Variants in KHDC4 observed in about 807,000 individuals in gnomAD.
The protein encoded by KHDC4 is KH homology domain-containing protein 4.
A neutral mutation model predicts 74.5 loss-of-function variants in KHDC4; 19 were observed. That is an observed-to-expected ratio of 0.26 (90% CI 0.18 to 0.37). KHDC4 has a LOEUF of 0.37. KHDC4 is among the 10% of genes least tolerant of loss of function. The pLI is 1.00. For missense variants in KHDC4, 632 were observed against 754.1 expected, an observed-to-expected ratio of 0.84 and a Z score of 1.90; for synonymous variants, 253 against 266.1, an observed-to-expected ratio of 0.95 and a Z score of 0.48.
At chr1:155,920,204 C>T (rs1168182938) in intron 10 of KHDC4, among the ~76,000 whole-genome samples, 1 of 152,114 alleles carries the variant, frequency 6.6e-6, no homozygotes, top group Non-Finnish European at 1.5e-5. Flanking sequence ...CTTGGGGAGG[C>T]AGAGGCAGTT....
At chr1:155,916,049 G>T in intron 12 of KHDC4, 85 bp from the exon 13 acceptor site, 3 of 801,388 alleles carry the variant, frequency 3.7e-6, no homozygotes, top group Non-Finnish European at 6.2e-6. Context: ...AATTATGTCT[G>T]CAGACAATCC....
intron 6 of KHDC4, chr1:155,926,232 A>G: frequency 2.6e-6 from 1 of 387,866 alleles, no homozygotes; most frequent in Non-Finnish European, 4.9e-6. Context: ...GGAGAGCTGG[A>G]TAACACACAA....
chr1:155,922,505 G>A (rs991319331), intron 8 of KHDC4, among the ~76,000 whole-genome samples: 4 of 152,114 alleles, frequency 2.6e-5, no homozygotes, highest in Admixed American at 6.6e-5. Context: ...GGAATTAGGA[G>A]AATAATCCTG....
intron 8 of KHDC4, among the ~76,000 whole-genome samples, chr1:155,923,063 G>C (rs1673901779): frequency 6.6e-6 from 1 of 151,964 alleles, no homozygotes; most frequent in Non-Finnish European, 1.5e-5. Context: ...AAAGTAGCCG[G>C]GCGTAGTGGC....
intron 2 of KHDC4, chr1:155,932,578 T>C (rs980261467): frequency 4.6e-5 from 7 of 152,180 alleles, no homozygotes; most frequent in Non-Finnish European, 8.8e-5. Flanking sequence ...ATTAAAAATC[T>C]TAATATACAA....
intron 11 of KHDC4, among the ~76,000 whole-genome samples, chr1:155,917,212 ACT>A (rs1491260086): frequency 5.3e-5 from 8 of 152,064 alleles, no homozygotes; most frequent in African/African-American, 1.7e-4. Flanking sequence ...GGGAGATATC[ACT>A]CTCTTTTTTA....
intron 8 of KHDC4, among the ~76,000 whole-genome samples, chr1:155,923,136 C>T (rs1161691390): frequency 2.0e-5 from 3 of 148,600 alleles, no homozygotes; most frequent in Non-Finnish European, 3.0e-5. Flanking sequence ...ACCCGGGAGG[C>T]GGAGCTTGCA....
intron 2 of KHDC4, 123 bp downstream of exon 2, chr1:155,933,510 T>C (rs1674187733): frequency 3.0e-6 from 2 of 668,236 alleles, no homozygotes; most frequent in Non-Finnish European, 5.0e-6. Context: ...GGTCTCAAAC[T>C]CCTGACCTTG....
rs1271703001 is a variant in KHDC4 at position 155,916,608 on chromosome 1, T to A, written c.1553+17A>T. ...CAAATAACATCTGAATACATTTGCA[T>A]AATTATTCCAACTTACCTGTCCCTC... On this transcript the variant is annotated intron_variant, in intron 12 of 13. Coordinates refer to ENST00000368321, the MANE Select transcript of KHDC4 (RefSeq NM_014949.4). 2 of 1,536,364 alleles carry A rather than the reference T, an allele frequency of 1.3e-6. No homozygotes were observed. The highest frequency in any genetic ancestry group is 2.7e-5 in the African/African-American group (2 of 73,486).
chr1:155,929,594 T>C (rs1027978104), intron 3 of KHDC4, 118 bp downstream of exon 3: 12 of 1,220,252 alleles, frequency 9.8e-6, no homozygotes, highest in Non-Finnish European at 1.4e-5. Flanking sequence ...AACCCAATCC[T>C]GACTTTAGAG....
intron 8 of KHDC4, 25 bp downstream of exon 8, chr1:155,923,602 T>A: frequency 6.4e-7 from 1 of 1,573,590 alleles, no homozygotes; most frequent in Non-Finnish European, 8.7e-7. Context: ...CTCTTCTGAA[T>A]GAGTATCAGA....
chr1:155,922,293 G>A (rs532942246), intron 8 of KHDC4, among the ~76,000 whole-genome samples: 1 of 151,950 alleles, frequency 6.6e-6, no homozygotes, highest in Middle Eastern at 3.4e-3. Flanking sequence ...CTACAGGCGC[G>A]TGCCACCGCA....
rs1434264086 is a variant in KHDC4, at chr1:155,917,594, G to A, written c.1345C>T (p.Pro449Ser). The A allele has an allele frequency of 1.9e-6, 3 of 1,596,746 alleles. No homozygotes were observed. Among genetic ancestry groups the A allele is most frequent in the East Asian group, 4.5e-5 (2 of 44,436 alleles). The change falls in exon 11 of 14, where the codon CCC becomes TCC. Residue 449 changes from proline (P) to serine (S), a missense_variant. Physicochemically the swap from Pro to Ser is moderately conservative, Grantham distance 74. Around this residue, in one of 4 missense-constraint regions of KHDC4, gnomAD observed 254 missense variants for 267.4 expected, o/e 0.95. Coordinates refer to ENST00000368321, the MANE Select transcript of KHDC4 (RefSeq NM_014949.4). ...GGCTGACTTGGGAGTGGGGGCTGGG[G>A]CTGGGGCTGGGGCTGGGGGCCAGCA... ...LPAGPQPQPQ[P>S]QPPLPSQPQA...
rs780507811 is a variant in KHDC4 at position 155,933,749 on chromosome 1, C to T, written c.139G>A (p.Gly47Ser). 1.2e-6 allele frequency: 2 copies of T among 1,605,678 alleles called. No individual in the cohort carries two copies. The highest frequency in any genetic ancestry group is 3.4e-5 in the Admixed American group (2 of 58,860). ...GCTCCTGAAGGAGCAGCTGTGGTGC[C>T]CCCAGGACTTCCCCCACTGCTGGTG... The part of the protein sequence containing the change: ...EVTSSGGSPG[G>S]TTAAPSGALD... Residue 47 changes from glycine to serine, a missense_variant, in exon 2 of 14, where the codon GGC becomes AGC. This residue lies in a region of KHDC4 where 104 missense variants were observed against 78.1 expected (regional missense o/e 1.33). Coordinates refer to ENST00000368321, the MANE Select transcript of KHDC4 (RefSeq NM_014949.4).
Position 155,921,842 on chromosome 1 carries a change from C to T in KHDC4, c.1012+19G>A. ...TATCACTAGCAAAATATTTTTTAAA[C>T]ACTTCAAGATGTACACACCTGGTAA... On this transcript the variant is annotated intron_variant, in intron 9 of 13. Transcript: ENST00000368321. 1 of 1,573,010 alleles carries T rather than the reference C, an allele frequency of 6.4e-7. No individual in the cohort carries two copies. Among genetic ancestry groups the T allele is most frequent in the Non-Finnish European group, 8.7e-7 (1 of 1,147,336 alleles).
chr1:155,923,665 C>T lies in KHDC4; in HGVS notation c.916G>A (p.Ala306Thr). 1.2e-6 allele frequency: 2 copies of T among 1,613,794 alleles called. No homozygotes were observed. Among genetic ancestry groups the T allele is most frequent in the South Asian group, 2.2e-5 (2 of 91,060 alleles). ...TTCTCACAAAGCTTCTTGGCAGCAG[C>T]CAGGCCTTCTGGTTTGGGGTGACTG... ...YISHPKPEGL[A>T]AAKKLCENLL... is the part of the protein sequence containing the mutation. The change falls in exon 8 of 14, where the codon GCT becomes ACT. Residue 306 changes from alanine to threonine, a missense_variant. By Grantham distance (58) the Ala-to-Thr change is moderately conservative. Transcript: ENST00000368321.
intron 4 of KHDC4, 124 bp downstream of exon 4, chr1:155,929,172 A>G: frequency 1.5e-6 from 1 of 687,472 alleles, no homozygotes; most frequent in Non-Finnish European, 2.6e-6. Flanking sequence ...TATAGTGTGC[A>G]CACACATACC....
At position 155,921,371 on chromosome 1, in the gene KHDC4, C is replaced by T. The variant is rs1673859397; in HGVS notation, c.1266+4G>A. 14 of 1,613,792 alleles carry T rather than the reference C, an allele frequency of 8.7e-6. No individual in the cohort carries two copies. Among genetic ancestry groups the T allele is most frequent in the Non-Finnish European group, 1.0e-5 (12 of 1,179,730 alleles). ...ATATGTTGTTGCATATCCTGACATC[C>T]TACCTGTCCAGTGCTAGCTGGAGGC... On this transcript the variant is annotated splice_donor_region_variant and intron_variant, in intron 10 of 13. Transcript: ENST00000368321.
At chr1:155,920,227 C>A (rs1253346909) in intron 10 of KHDC4, among the ~76,000 whole-genome samples, 1 of 148,126 alleles carries the variant, frequency 6.8e-6, no homozygotes, top group Non-Finnish European at 1.5e-5. Context: ...ATCATGAGGT[C>A]AGGAGATCGA....
Sources: allele counts gnomAD v4.1 joint callset (sites outside exome capture counted in the v4.1 genomes callset), GRCh38; gene constraint gnomAD v4.1.1; regional missense constraint gnomAD v4.1.1; transcripts MANE v1.5; gene names NCBI Gene and HGNC (gene_info 2026-07-23, HGNC 2026-07-21).